Variants in KLRG1 observed in about 807,000 individuals in gnomAD.
KLRG1 encodes killer cell lectin like receptor G1, also known as killer cell lectin-like receptor subfamily G member 1.
A neutral mutation model predicts 21.8 loss-of-function variants in KLRG1; 16 were observed. The ratio of observed to expected loss-of-function variants is 0.73; its 90% CI spans 0.50 to 1.11. The LOEUF (loss-of-function observed/expected upper bound fraction) is 1.11, where lower values mean the gene tolerates loss of function less well. Ranked by LOEUF, KLRG1 falls within the 50% of genes most tolerant of loss-of-function variation. The pLI, the probability that KLRG1 is intolerant of heterozygous loss-of-function variation, is 0.00. For missense variants in KLRG1, 173 were observed against 218.3 expected (o/e 0.79, Z 1.31); for synonymous variants, 69 against 75.9 (o/e 0.91, Z 0.47).
chr12:9,118,829 C>T, the KLRG1 span, among the ~76,000 whole-genome samples: 5 of 152,116 alleles, frequency 3.3e-5, no homozygotes, highest in Non-Finnish European at 7.3e-5. Flanking sequence ...ATCTGCTGTA[C>T]TTATAGAGAC....
chr12:9,069,834 AC>A, the KLRG1 span: 1 of 1,610,684 alleles, frequency 6.2e-7, no homozygotes, highest in African/African-American at 1.3e-5. Context: ...TTGAAATACC[AC>A]AAATGTTAAT....
chr12:9,210,704 T>A, the KLRG1 span, among the ~76,000 whole-genome samples: 1 of 152,198 alleles, frequency 6.6e-6, no homozygotes, highest in Non-Finnish European at 1.5e-5. Flanking sequence ...GTCTTAAGTG[T>A]GTATTTTTAT....
At chr12:8,981,876 C>T (rs757933930) in intron 1 of KLRG1, among the ~76,000 whole-genome samples, 5 of 152,114 alleles carry the variant, frequency 3.3e-5, no homozygotes, top group Non-Finnish European at 7.4e-5. Context: ...TTCTTTAACT[C>T]AGCTTTTGCT....
At chr12:9,179,569 A>G in the KLRG1 span, among the ~76,000 whole-genome samples, 1 of 152,218 alleles carries the variant, frequency 6.6e-6, no homozygotes, top group Non-Finnish European at 1.5e-5. Context: ...TAAATCACTT[A>G]TTACCACTTT....
chr12:8,986,285 T>A (rs1290369403), upstream of KLRG1, among the ~76,000 whole-genome samples: 2 of 152,222 alleles, frequency 1.3e-5, no homozygotes, highest in African/African-American at 4.8e-5. Context: ...ATAGTTACTA[T>A]TTCCTTTTAT....
chr12:9,134,462 G>A, the KLRG1 span, among the ~76,000 whole-genome samples: 2 of 152,076 alleles, frequency 1.3e-5, no homozygotes, highest in African/African-American at 4.8e-5. Flanking sequence ...CAAATTGTAA[G>A]TGTACAATAT....
chr12:9,151,653 A>G, the KLRG1 span: 1 of 1,613,878 alleles, frequency 6.2e-7, no homozygotes, highest in Non-Finnish European at 8.5e-7. Context: ...TGTCCGGCTC[A>G]CAGAGCTAGA....
At chr12:8,997,614 A>G (rs941326103) in intron 3 of KLRG1, among the ~76,000 whole-genome samples, 2 of 152,184 alleles carry the variant, frequency 1.3e-5, no homozygotes, top group African/African-American at 2.4e-5. Context: ...TGTAGAATCT[A>G]CAGGCCTATG....
the KLRG1 span, chr12:9,200,261 T>C: frequency 1.5e-6 from 1 of 688,754 alleles, no homozygotes; most frequent in South Asian, 2.4e-5. Context: ...AGGAGTAATA[T>C]TACAAAAGTG....
the KLRG1 span, among the ~76,000 whole-genome samples, chr12:9,187,704 C>T: frequency 6.6e-6 from 1 of 152,188 alleles, no homozygotes; most frequent in African/African-American, 2.4e-5. Context: ...AAACTTATAG[C>T]ACTAAACATC....
At chr12:9,052,770 G>GT in the KLRG1 span, 4 of 427,770 alleles carry the variant, frequency 9.4e-6, no homozygotes, top group African/African-American at 6.2e-5. Flanking sequence ...CCAAACTTCT[G>GT]TTTTTCATTT....
At chr12:9,112,839 G>A in the KLRG1 span, 1 of 367,308 alleles carries the variant, frequency 2.7e-6, no homozygotes. Context: ...GATATTACAT[G>A]CTAAAAGGGC....
chr12:9,207,375 A>G, the KLRG1 span, among the ~76,000 whole-genome samples: 57 of 152,336 alleles, frequency 3.7e-4, no homozygotes, highest in Middle Eastern at 3.4e-3. Flanking sequence ...TCTGGAAGAA[A>G]TGTAAAGGCA....
At chr12:9,112,621 C>T in the KLRG1 span, 1 of 1,464,006 alleles carries the variant, frequency 6.8e-7, no homozygotes, top group African/African-American at 1.4e-5. Context: ...CCCTGGAGAT[C>T]TTGCCCTTCT....
chr12:9,157,396 A>G, the KLRG1 span: 2 of 1,576,656 alleles, frequency 1.3e-6, no homozygotes, highest in Non-Finnish European at 1.7e-6. Flanking sequence ...TAGGGTGAAT[A>G]GAGGGCAGAG....
At chr12:9,112,620 T>C in the KLRG1 span, 1 of 1,465,308 alleles carries the variant, frequency 6.8e-7, no homozygotes, top group Non-Finnish European at 9.4e-7. Flanking sequence ...TCCCTGGAGA[T>C]CTTGCCCTTC....
At chr12:9,183,899 G>C in the KLRG1 span, among the ~76,000 whole-genome samples, 1 of 152,138 alleles carries the variant, frequency 6.6e-6, no homozygotes, top group South Asian at 2.1e-4. Flanking sequence ...CCTTAAGGCA[G>C]TGTTATGCCA....
the KLRG1 span, among the ~76,000 whole-genome samples, chr12:9,088,060 T>C: frequency 1.1e-3 from 172 of 152,240 alleles, 1 homozygote; most frequent in African/African-American, 3.9e-3. Flanking sequence ...CAATTTAACA[T>C]AGGTAAATCT....
rs772130872 is a variant in KLRG1 at position 9,009,740 on chromosome 12, G to C, written c.*203G>C. The C allele has an allele frequency of 2.2e-5, 31 of 1,416,732 alleles. No homozygotes were observed. The South Asian group carries it at 4.9e-4, about 23-fold the overall frequency. The allele number at this position is 1,416,732 out of a possible 1,614,324, so 87.8% of individuals were successfully genotyped here. A position where few individuals can be genotyped will look rare whatever the true frequency, so the allele number is the denominator to read the frequency against. Reference sequence around the variant, plus strand: ...TTGAGACTATTTAGATATTATGTGAGCAATTTAAAGACCAGATCTAAGCAA... The same window carrying C: ...TTGAGACTATTTAGATATTATGTGACCAATTTAAAGACCAGATCTAAGCAA... On this transcript the variant is annotated 3_prime_UTR_variant, in exon 5 of 5. Coordinates refer to ENST00000356986, the MANE Select transcript of KLRG1 (RefSeq NM_005810.4).
Sources: allele counts gnomAD v4.1 joint callset (sites outside exome capture counted in the v4.1 genomes callset), GRCh38; gene constraint gnomAD v4.1.1; transcripts MANE v1.5; gene names NCBI Gene and HGNC (gene_info 2026-07-23, HGNC 2026-07-21).